Variants in CDH8 observed in about 807,000 individuals in gnomAD.
CDH8 encodes the protein cadherin 8.
CDH8 carries 17 observed loss-of-function variants against 68.1 expected under a neutral mutation model. The observed-to-expected ratio is 0.25, with a 90% CI of 0.17 to 0.37. The LOEUF (loss-of-function observed/expected upper bound fraction) is 0.37, where lower values mean the gene tolerates loss of function less well. CDH8 is among the 10% of genes least tolerant of loss of function. CDH8 has a pLI of 1.00. For missense variants in CDH8, 763 were observed against 999.3 expected (o/e 0.76, Z 3.19); for synonymous variants, 372 against 365.1 (o/e 1.02, Z -0.21).
intron 8 of CDH8, among the ~76,000 whole-genome samples, chr16:61,751,845 T>C (rs531076905): frequency 6.6e-6 from 1 of 152,192 alleles, no homozygotes; most frequent in South Asian, 2.1e-4. Context: ...TATACTACCA[T>C]TTAATTATCC....
chr16:61,712,044 A>T (rs1434745189), intron 10 of CDH8, among the ~76,000 whole-genome samples: 1 of 151,808 alleles, frequency 6.6e-6, no homozygotes, highest in African/African-American at 2.4e-5. Flanking sequence ...TCATAATTTT[A>T]ACTTCTATTT....
At chr16:61,798,167 A>G (rs1052425002) in intron 7 of CDH8, among the ~76,000 whole-genome samples, 1 of 152,220 alleles carries the variant, frequency 6.6e-6, no homozygotes, top group African/African-American at 2.4e-5. Context: ...GAGAATTCTA[A>G]ATGTGATGAT....
intron 9 of CDH8, among the ~76,000 whole-genome samples, chr16:61,717,576 A>T (rs1964755342): frequency 6.6e-6 from 1 of 151,620 alleles, no homozygotes; most frequent in Non-Finnish European, 1.5e-5. Context: ...TATCACTGCC[A>T]TTATTAACTT....
intron 4 of CDH8, among the ~76,000 whole-genome samples, chr16:61,845,885 T>C (rs544364330): frequency 9.2e-5 from 14 of 152,262 alleles, no homozygotes; most frequent in Non-Finnish European, 2.9e-5. Flanking sequence ...CCTGCAGATA[T>C]CTATTTTAAA....
chr16:61,662,087 G>GTTTTTTTTTTTTTTTTTTTGTTTTTTT, intron 10 of CDH8, among the ~76,000 whole-genome samples: 2 of 92,792 alleles, frequency 2.2e-5, no homozygotes, highest in African/African-American at 4.0e-5. Flanking sequence ...TTTTACTTTA[G>GTTTTTTTTTTTTTTTTTTTGTTTTTTT]TTTTTTTTTT....
At chr16:62,032,597 A>G (rs1401714266) in intron 1 of CDH8, among the ~76,000 whole-genome samples, 8 of 152,168 alleles carry the variant, frequency 5.3e-5, no homozygotes, top group African/African-American at 1.9e-4. Context: ...CAGCAGCACC[A>G]CTGAGCAGAA....
chr16:61,983,017 A>G (rs1965565092), intron 2 of CDH8, among the ~76,000 whole-genome samples: 1 of 152,194 alleles, frequency 6.6e-6, no homozygotes, highest in South Asian at 2.1e-4. Context: ...TTAATACTAA[A>G]TAATACAAAT....
At position 61,895,858 on chromosome 16, in the gene CDH8, T is replaced by C. The variant is rs377349486; in HGVS notation, c.547+5321A>G. On this transcript the variant is annotated intron_variant, in intron 3 of 11. Coordinates refer to ENST00000577390, the MANE Select transcript of CDH8 (RefSeq NM_001796.5). ...GTAGGTAGCACGTTAAATATAATTATTGAATTCCTCCAAACACACTTTTGG... is the reference window on the plus strand; with the variant it reads ...GTAGGTAGCACGTTAAATATAATTACTGAATTCCTCCAAACACACTTTTGG... 5.9e-5 allele frequency among the ~76,000 whole-genome samples: 9 copies of C among 152,288 alleles called. No homozygotes were observed. The East Asian group carries it at 9.7e-4, about 16-fold the overall frequency.
At chr16:61,930,395 G>A (rs760521837) in intron 2 of CDH8, among the ~76,000 whole-genome samples, 6 of 151,978 alleles carry the variant, frequency 3.9e-5, no homozygotes, top group Non-Finnish European at 5.9e-5. Context: ...TTAATGAACT[G>A]TTGCTAGGAT....
chr16:61,948,418 T>C (rs915151513), intron 2 of CDH8, among the ~76,000 whole-genome samples: 1 of 152,158 alleles, frequency 6.6e-6, no homozygotes, highest in Admixed American at 6.5e-5. Context: ...CCAAATATCT[T>C]TCAATATGTA....
At position 61,810,792 on chromosome 16, in the gene CDH8, G is replaced by C. The variant is rs556569400; in HGVS notation, c.1277+6687C>G. On this transcript the variant is annotated intron_variant, in intron 7 of 11. Transcript: ENST00000577390. ...TAATCCAAGAACTTTGGGAGGCCGAGGGGGGCGGATCAGAAGGTTAGGAGT... is the reference window on the plus strand; with the variant it reads ...TAATCCAAGAACTTTGGGAGGCCGACGGGGGCGGATCAGAAGGTTAGGAGT... Among the ~76,000 whole-genome samples the C allele has an allele frequency of 5.4e-4, 82 of 152,162 alleles. 1 individual carries two copies. The highest frequency in any genetic ancestry group is 1.9e-3 in the South Asian group (9 of 4,824).
chr16:61,704,810 G>C (rs1168757351), intron 10 of CDH8, among the ~76,000 whole-genome samples: 1 of 152,168 alleles, frequency 6.6e-6, no homozygotes, highest in African/African-American at 2.4e-5. Flanking sequence ...TGAGCCTTTA[G>C]CTCCCTAGCA....
At chr16:61,684,340 ACT>A (rs1964065480) in intron 10 of CDH8, among the ~76,000 whole-genome samples, 2 of 151,852 alleles carry the variant, frequency 1.3e-5, no homozygotes, top group African/African-American at 4.8e-5. Flanking sequence ...TGTGTTATTC[ACT>A]CTCATTCATT....
intron 2 of CDH8, among the ~76,000 whole-genome samples, chr16:61,959,946 C>A (rs1166859303): frequency 7.9e-6 from 1 of 125,932 alleles, no homozygotes; most frequent in Admixed American, 8.3e-5. Flanking sequence ...TATACCTTAA[C>A]AAATCTTTCT....
Position 61,674,158 on chromosome 16 carries a change from A to G in CDH8, c.1655-18437T>C, listed in dbSNP as rs139505774. On this transcript the variant is annotated intron_variant, in intron 10 of 11. Coordinates refer to ENST00000577390, the MANE Select transcript of CDH8 (RefSeq NM_001796.5). ...ATAAAAGTAGAGAGAAACTAATTCT[A>G]GGGAATAGCTACTCTAGATCTACCC... Among the ~76,000 whole-genome samples, 598 of 152,194 alleles carry G rather than the reference A, an allele frequency of 3.9e-3. 7 individuals carry two copies. Among genetic ancestry groups the G allele is most frequent in the African/African-American group, 0.014 (573 of 41,536 alleles).
At chr16:61,866,225 A>T (rs1226618620) in intron 3 of CDH8, among the ~76,000 whole-genome samples, 1 of 151,902 alleles carries the variant, frequency 6.6e-6, no homozygotes, top group Admixed American at 6.6e-5. Context: ...CCCTGTCTCA[A>T]TAAAAAAAAA....
intron 2 of CDH8, among the ~76,000 whole-genome samples, chr16:61,992,584 A>G (rs1415944401): frequency 6.6e-6 from 1 of 152,056 alleles, no homozygotes; most frequent in African/African-American, 2.4e-5. Flanking sequence ...TAAAACTTGA[A>G]GTATAATAAT....
intron 7 of CDH8, among the ~76,000 whole-genome samples, chr16:61,793,084 A>G (rs191882839): frequency 6.6e-6 from 1 of 151,950 alleles, no homozygotes; most frequent in Non-Finnish European, 1.5e-5. Context: ...GTTCCCTTAT[A>G]AAAAAGACCC....
At chr16:61,796,423 C>T (rs1488335813) in intron 7 of CDH8, among the ~76,000 whole-genome samples, 3 of 151,978 alleles carry the variant, frequency 2.0e-5, no homozygotes, top group Admixed American at 6.6e-5. Flanking sequence ...GAGTCATCTT[C>T]CTGCCACAGT....
Sources: allele counts gnomAD v4.1 joint callset (sites outside exome capture counted in the v4.1 genomes callset), GRCh38; gene constraint gnomAD v4.1.1; transcripts MANE v1.5; gene names NCBI Gene and HGNC (gene_info 2026-07-23, HGNC 2026-07-21).